PCDH15: variants seen among roughly 807,000 people sequenced by gnomAD.
PCDH15 encodes the protein protocadherin-15.
In PCDH15, 129 loss-of-function variants were observed where a neutral mutation model predicts 178.5. The ratio of observed to expected loss-of-function variants is 0.72; its 90% CI spans 0.63 to 0.84. The LOEUF (loss-of-function observed/expected upper bound fraction) is 0.84. Among genes scored for constraint, PCDH15 ranks in the 40% least tolerant of loss-of-function variants. The pLI is 0.00. For missense variants in PCDH15, 2,230 were observed against 2,099.9 expected (o/e 1.06, Z -1.21); for synonymous variants, 800 against 732.0 (o/e 1.09, Z -1.50).
intron 13 of PCDH15, among the ~76,000 whole-genome samples, chr10:54,168,657 C>T (rs1006404303): frequency 1.1e-4 from 17 of 151,892 alleles, no homozygotes; most frequent in Non-Finnish European, 1.9e-4. Context: ...AATCAGATAG[C>T]GTTTAGGCTC....
intron 2 of PCDH15, among the ~76,000 whole-genome samples, chr10:54,935,584 G>T (rs894604065): frequency 2.6e-5 from 4 of 151,982 alleles, no homozygotes; most frequent in Non-Finnish European, 5.9e-5. Flanking sequence ...ACCTTTGCTT[G>T]CCCCAAATTA....
At chr10:55,241,060 C>T (rs1841529439) in intron 1 of PCDH15, among the ~76,000 whole-genome samples, 1 of 151,980 alleles carries the variant, frequency 6.6e-6, no homozygotes, top group Non-Finnish European at 1.5e-5. Context: ...ATTAAAAATA[C>T]AAAAAATTAG....
In PCDH15 at chr10:54,886,747, G is replaced by A. The variant is rs566197265; in HGVS notation, c.-29+10703C>T. On this transcript the variant is annotated intron_variant, in intron 3 of 5. Transcript: ENST00000458638. ...AGCCTAGGCGACAGAGCCAGACTCC[G>A]TCTCAATAAAAGAAAGAATGATCTA... Among the ~76,000 whole-genome samples the A allele has an allele frequency of 5.3e-5, 8 of 152,236 alleles. No individual in the cohort carries two copies. In the East Asian group the frequency reaches 5.8e-4, roughly 11 times the overall value.
At chr10:54,349,848 T>C (rs1943899819) in intron 5 of PCDH15, among the ~76,000 whole-genome samples, 1 of 152,172 alleles carries the variant, frequency 6.6e-6, no homozygotes. Flanking sequence ...CAAAGAGTAA[T>C]TCAATTTCAA....
chr10:54,707,446 C>T (rs984923315), intron 1 of PCDH15, among the ~76,000 whole-genome samples: 9 of 152,136 alleles, frequency 5.9e-5, no homozygotes, highest in Non-Finnish European at 1.0e-4. Flanking sequence ...GAAACAACTA[C>T]TTCTGTCCAG....
chr10:55,155,080 T>C (rs1838847358), intron 2 of PCDH15, among the ~76,000 whole-genome samples: 1 of 106,224 alleles, frequency 9.4e-6, no homozygotes, highest in South Asian at 3.5e-4. Flanking sequence ...CCTATAGATG[T>C]AGTTAGGTAT....
intron 6 of PCDH15, among the ~76,000 whole-genome samples, chr10:54,333,394 G>A (rs988948405): frequency 1.1e-4 from 16 of 151,926 alleles, no homozygotes; most frequent in African/African-American, 3.1e-4. Context: ...TATTCATTCT[G>A]TCTCTAAAAT....
chr10:55,276,797 T>C (rs372343669), intron 1 of PCDH15, among the ~76,000 whole-genome samples: 5 of 151,262 alleles, frequency 3.3e-5, no homozygotes, highest in African/African-American at 1.2e-4. Flanking sequence ...ATATATAATA[T>C]GATTTGTCTT....
intron 2 of PCDH15, among the ~76,000 whole-genome samples, chr10:55,373,415 T>C (rs928182380): frequency 2.6e-5 from 4 of 152,086 alleles, no homozygotes; most frequent in Non-Finnish European, 5.9e-5. Context: ...TCTATAAAAA[T>C]ATAGGTGCAA....
At chr10:55,364,818 G>T (rs1845314774) in intron 2 of PCDH15, among the ~76,000 whole-genome samples, 1 of 152,010 alleles carries the variant, frequency 6.6e-6, no homozygotes, top group Non-Finnish European at 1.5e-5. Flanking sequence ...GTATTTTCAA[G>T]TTCACACATT....
intron 2 of PCDH15, among the ~76,000 whole-genome samples, chr10:55,410,500 A>C (rs1838304928): frequency 6.6e-6 from 1 of 152,138 alleles, no homozygotes; most frequent in Admixed American, 6.6e-5. Context: ...ATCAAAGCTG[A>C]TTTGCTGCAG....
At chr10:53,903,172 A>G (rs2082435219) in intron 26 of PCDH15, 71 bp downstream of exon 26, 1 of 1,565,168 alleles carries the variant, frequency 6.4e-7, no homozygotes, top group South Asian at 1.1e-5. Context: ...AATGCAAACT[A>G]CAGGCTTACA....
intron 6 of PCDH15, among the ~76,000 whole-genome samples, chr10:54,333,277 A>T (rs905755773): frequency 6.6e-6 from 1 of 152,062 alleles, no homozygotes; most frequent in African/African-American, 2.4e-5. Context: ...CTTGTATTCT[A>T]TAAAATATAA....
chr10:54,261,408 T>C (rs1293281216), intron 8 of PCDH15, among the ~76,000 whole-genome samples: 2 of 151,826 alleles, frequency 1.3e-5, no homozygotes, highest in Non-Finnish European at 2.9e-5. Flanking sequence ...TTCAAATAGA[T>C]AAGAAAAAGC....
chr10:55,292,734 C>T (rs1488161617), intron 1 of PCDH15, among the ~76,000 whole-genome samples: 3 of 152,216 alleles, frequency 2.0e-5, no homozygotes, highest in East Asian at 3.8e-4. Flanking sequence ...CCATGTTTCA[C>T]ATCCAGGTCA....
chr10:54,337,486 G>T (rs553849519), intron 6 of PCDH15, among the ~76,000 whole-genome samples: 1 of 152,172 alleles, frequency 6.6e-6, no homozygotes, highest in East Asian at 1.9e-4. Context: ...GGAACTGTGG[G>T]TCCATTAAAC....
intron 21 of PCDH15, among the ~76,000 whole-genome samples, chr10:53,972,259 C>T (rs886080381): frequency 1.7e-4 from 21 of 121,536 alleles, no homozygotes; most frequent in South Asian, 1.5e-3. Flanking sequence ...AACTGGATCC[C>T]TTCCTTACAC....
rs553285917 is a variant in PCDH15, at chr10:54,895,945, G to A, written c.-29+1505C>T. Among the ~76,000 whole-genome samples the A allele has an allele frequency of 1.8e-3, 260 of 142,134 alleles. 1 individual carries two copies. Among genetic ancestry groups the A allele is most frequent in the Non-Finnish European group, 3.2e-3 (195 of 61,302 alleles). 93.2% of individuals were successfully genotyped at this position (142,134 alleles called of 152,430 possible). On this transcript the variant is annotated intron_variant, in intron 3 of 5. Coordinates refer to the PCDH15 transcript ENST00000458638. ...TCTGTTGCCCAGGCTAGAGTGCAGT[G>A]GCACTATCTCGGCTCACCACAACCT...
At chr10:54,653,436 A>T (rs1453620042) in intron 2 of PCDH15, among the ~76,000 whole-genome samples, 1 of 152,206 alleles carries the variant, frequency 6.6e-6, no homozygotes, top group African/African-American at 2.4e-5. Flanking sequence ...GTCCAAACTG[A>T]AGGTGTGTAT....
Sources: gnomAD v4.1 joint callset for allele counts (sites outside exome capture counted in the v4.1 genomes callset) on GRCh38, gnomAD v4.1.1 for gene constraint, MANE v1.5 for transcripts, NCBI Gene and HGNC (gene_info 2026-07-23, HGNC 2026-07-21) for gene names.